ANKH: variants seen among roughly 807,000 people sequenced by gnomAD.
The protein encoded by ANKH is ANKH inorganic pyrophosphate transport regulator.
A neutral mutation model predicts 49.0 loss-of-function variants in ANKH; 15 were observed. The observed-to-expected ratio is 0.31, with a 90% CI of 0.20 to 0.47. ANKH has a LOEUF of 0.47. ANKH is among the 20% of genes least tolerant of loss of function. The pLI is 1.00. For synonymous variants in ANKH, 273 were observed against 260.0 expected, an observed-to-expected ratio of 1.05 and a Z score of -0.48; for missense variants, 429 against 652.0, an observed-to-expected ratio of 0.66 and a Z score of 3.72.
intron 1 of ANKH, among the ~76,000 whole-genome samples, chr5:14,772,743 G>T (rs184734943): frequency 2.6e-5 from 4 of 152,260 alleles, no homozygotes; most frequent in East Asian, 3.9e-4. Flanking sequence ...GGACACTACT[G>T]GTGTCTCACC....
At position 14,711,123 on chromosome 5, in the gene ANKH, T is replaced by A. The variant is rs1737169561; in HGVS notation, c.*74A>T. 1.0e-5 allele frequency: 13 copies of A among 1,252,740 alleles called. No individual in the cohort carries two copies. The highest frequency in any genetic ancestry group is 1.5e-5 in the Non-Finnish European group (13 of 851,402). 77.6% of individuals were successfully genotyped at this position (1,252,740 alleles called of 1,614,324 possible). A position where few individuals can be genotyped will look rare whatever the true frequency, so the allele number is the denominator to read the frequency against. On this transcript the variant is annotated 3_prime_UTR_variant, in exon 12 of 12. Transcript: ENST00000284268. ...ACAAAAAAAAGGGAACAAAATACGA[T>A]GGGAGAGGGAAGAGATGATGCCGAA...
At chr5:14,798,394 C>T (rs1274371782) in intron 1 of ANKH, 51 of 1,567,374 alleles carry the variant, frequency 3.3e-5, no homozygotes, top group Admixed American at 1.8e-5. Context: ...GCTTCCTTGT[C>T]GGCCATGGCG....
intron 1 of ANKH, among the ~76,000 whole-genome samples, chr5:14,867,589 G>A (rs1347309083): frequency 6.6e-6 from 1 of 151,490 alleles, no homozygotes; most frequent in Non-Finnish European, 1.5e-5. Context: ...GTCTCGCTCT[G>A]TCGCCCAGGC....
intron 1 of ANKH, among the ~76,000 whole-genome samples, chr5:14,787,814 C>T (rs1740028160): frequency 6.6e-6 from 1 of 152,102 alleles, no homozygotes; most frequent in Admixed American, 6.6e-5. Flanking sequence ...CTGTGAATTC[C>T]AACAGTTTGA....
chr5:14,743,730 T>C (rs966207805), intron 7 of ANKH, among the ~76,000 whole-genome samples: 1 of 152,160 alleles, frequency 6.6e-6, no homozygotes. Context: ...TGTAGCTCGC[T>C]GGAATGCTTG....
chr5:14,798,485 GT>G, intron 1 of ANKH: 1 of 983,888 alleles, frequency 1.0e-6, no homozygotes, highest in Non-Finnish European at 1.4e-6. Context: ...TGCGCACGCG[GT>G]CTCTATTTTT....
intron 8 of ANKH, among the ~76,000 whole-genome samples, chr5:14,740,532 G>A (rs1738321288): frequency 6.6e-6 from 1 of 152,196 alleles, no homozygotes; most frequent in South Asian, 2.1e-4. Context: ...GTTCCACAGG[G>A]ACAGGCTGGC....
chr5:14,783,648 A>G (rs753089472), intron 1 of ANKH, among the ~76,000 whole-genome samples: 1 of 152,202 alleles, frequency 6.6e-6, no homozygotes, highest in Non-Finnish European at 1.5e-5. Flanking sequence ...TTTAAGAATT[A>G]TATGTCCTGA....
Position 14,736,006 on chromosome 5 carries a change from C to CTTAT in ANKH, c.1011+5820_1011+5821insATAA, listed in dbSNP as rs1404880920. Among the ~76,000 whole-genome samples, 137 of 83,670 alleles carry CTTAT rather than the reference C, an allele frequency of 1.6e-3. 2 individuals are homozygous for CTTAT. Among genetic ancestry groups the CTTAT allele is most frequent in the African/African-American group, 7.7e-3 (132 of 17,206 alleles). The allele number at this position is 83,670 out of a possible 152,430, so 54.9% of individuals were successfully genotyped here. ...AGAAAGATCCAGAGTAAAAACCTAACTTTTTTTTTTTTTTTTTTTTTTTTT... is the reference window on the plus strand; with the variant it reads ...AGAAAGATCCAGAGTAAAAACCTAACTTATTTTTTTTTTTTTTTTTTTTTTTTTT... On this transcript the variant is annotated intron_variant, in intron 8 of 11. Transcript: ENST00000284268.
intron 1 of ANKH, among the ~76,000 whole-genome samples, chr5:14,772,078 G>A (rs1739462902): frequency 6.6e-6 from 1 of 152,102 alleles, no homozygotes; most frequent in Non-Finnish European, 1.5e-5. Flanking sequence ...ATGAAAGGAG[G>A]TATTTCATGT....
chr5:14,841,078 CACT>C (rs1329456535), intron 1 of ANKH, among the ~76,000 whole-genome samples: 1 of 151,958 alleles, frequency 6.6e-6, no homozygotes, highest in Non-Finnish European at 1.5e-5. Context: ...TACTAATTGT[CACT>C]ACTGAGAGGA....
At position 14,713,098 on chromosome 5, in the gene ANKH, G is replaced by T; in HGVS notation, c.1266-125C>A. 1 of 957,774 alleles carries T rather than the reference G, an allele frequency of 1.0e-6. No homozygotes were observed. The highest frequency in any genetic ancestry group is 1.6e-6 in the Non-Finnish European group (1 of 619,388). The allele number at this position is 957,774 out of a possible 1,614,324, so 59.3% of individuals were successfully genotyped here. A position where few individuals can be genotyped will look rare whatever the true frequency, so the allele number is the denominator to read the frequency against. On this transcript the variant is annotated intron_variant, in intron 10 of 11. Coordinates refer to ENST00000284268, the MANE Select transcript of ANKH (RefSeq NM_054027.6). The surrounding 1 kb of genome is among the most constrained non-coding windows in gnomAD (Gnocchi z 4.4). ...CTGAGACCAGCGGCGTTCTCCATCT[G>T]CTGGCTTCGTAAGGGCCGCAGCTAA...
Position 14,721,929 on chromosome 5 carries a change from C to CAAAAAAAAAAAA in ANKH, c.1012-5106_1012-5095dup, listed in dbSNP as rs35821509. ...TGGGCGACAGAGCGAGACTCCGTCTCAAAAAAAAAAAAAAAAAAAAAAAAA... is the reference window on the plus strand; with the variant it reads ...TGGGCGACAGAGCGAGACTCCGTCTCAAAAAAAAAAAAAAAAAAAAAAAAAAAAAAAAAAAAA... On this transcript the variant is annotated intron_variant, in intron 8 of 11. Transcript: ENST00000284268. Among the ~76,000 whole-genome samples the CAAAAAAAAAAAA allele has an allele frequency of 6.1e-3, 362 of 59,446 alleles. 33 individuals are homozygous for CAAAAAAAAAAAA. Among genetic ancestry groups the CAAAAAAAAAAAA allele is most frequent in the African/African-American group, 0.033 (350 of 10,542 alleles). The allele number at this position is 59,446 out of a possible 152,430, so 39.0% of individuals were successfully genotyped here.
In ANKH at chr5:14,708,769, C is replaced by G. The variant is rs886060077; in HGVS notation, c.*2428G>C. The G allele has an allele frequency of 6.6e-6, 1 of 152,176 alleles. No individual in the cohort carries two copies. The highest frequency in any genetic ancestry group is 1.5e-5 in the Non-Finnish European group (1 of 68,034). 9.4% of individuals were successfully genotyped at this position (152,176 alleles called of 1,614,324 possible). On this transcript the variant is annotated 3_prime_UTR_variant, in exon 12 of 12. Transcript: ENST00000284268. ...TGAGTGTGGCATTGCTTCCTGTGTT[C>G]TCAGAAACTCTAACCAAATATTATG...
At chr5:14,755,160 T>C (rs530515079) in intron 4 of ANKH, among the ~76,000 whole-genome samples, 1 of 152,242 alleles carries the variant, frequency 6.6e-6, no homozygotes, top group Admixed American at 6.5e-5. Context: ...AATCCCTGAC[T>C]GTAGGAACTT....
intron 1 of ANKH, among the ~76,000 whole-genome samples, chr5:14,857,860 C>T (rs1020712151): frequency 4.6e-5 from 7 of 152,144 alleles, no homozygotes; most frequent in African/African-American, 1.7e-4. Context: ...TATCCAGACC[C>T]AGCATCTCTA....
chr5:14,812,764 A>G (rs1044092997), intron 1 of ANKH, among the ~76,000 whole-genome samples: 4 of 152,192 alleles, frequency 2.6e-5, no homozygotes, highest in South Asian at 2.1e-4. Flanking sequence ...TCTTCCTTAC[A>G]GTTTTAGTAA....
chr5:14,862,390 T>C (rs978475021), intron 1 of ANKH, among the ~76,000 whole-genome samples: 2 of 152,258 alleles, frequency 1.3e-5, no homozygotes, highest in African/African-American at 4.8e-5. Context: ...GCATCATGAC[T>C]GGTATTTGGT....
At chr5:14,719,044 C>T (rs544073649) in intron 8 of ANKH, among the ~76,000 whole-genome samples, 1 of 152,262 alleles carries the variant, frequency 6.6e-6, no homozygotes, top group Admixed American at 6.5e-5. Context: ...ACGTCTCAGA[C>T]TGAAAGATAC....
Sources: gnomAD v4.1 joint callset for allele counts (sites outside exome capture counted in the v4.1 genomes callset) on GRCh38, gnomAD v4.1.1 for gene constraint, Gnocchi (gnomAD v3.1) non-coding constraint, MANE v1.5 for transcripts, NCBI Gene and HGNC (gene_info 2026-07-23, HGNC 2026-07-21) for gene names.